Variants in CNTNAP2 observed in about 807,000 individuals in gnomAD.
The protein encoded by CNTNAP2 is contactin-associated protein-like 2.
In CNTNAP2, 98 loss-of-function variants were observed where a neutral mutation model predicts 155.2. That is an observed-to-expected ratio of 0.63 (90% CI 0.54 to 0.75). The LOEUF is 0.75. Among genes scored for constraint, CNTNAP2 ranks in the 30% least tolerant of loss-of-function variants. CNTNAP2 has a pLI of 0.00. For synonymous variants in CNTNAP2, 651 were observed against 631.2 expected, an observed-to-expected ratio of 1.03 and a Z score of -0.47; for missense variants, 1,727 against 1,688.1, an observed-to-expected ratio of 1.02 and a Z score of -0.40.
chr7:146,305,844 A>G (rs996055033), intron 1 of CNTNAP2, among the ~76,000 whole-genome samples: 1 of 152,160 alleles, frequency 6.6e-6, no homozygotes, highest in African/African-American at 2.4e-5. Context: ...GAACTAGAGA[A>G]GCAAGAGCAA....
chr7:147,906,351 A>G (rs1198937293), intron 14 of CNTNAP2, among the ~76,000 whole-genome samples: 2 of 151,930 alleles, frequency 1.3e-5, no homozygotes, highest in Non-Finnish European at 2.9e-5. Flanking sequence ...TTGTATTTTT[A>G]GTACAGACGG....
At chr7:147,019,322 T>C (rs1187294222) in intron 3 of CNTNAP2, among the ~76,000 whole-genome samples, 2 of 152,054 alleles carry the variant, frequency 1.3e-5, no homozygotes, top group Non-Finnish European at 2.9e-5. Flanking sequence ...GCTTTAACAC[T>C]CAATAAATGC....
intron 3 of CNTNAP2, among the ~76,000 whole-genome samples, chr7:146,993,625 T>A (rs1470674917): frequency 1.3e-5 from 2 of 152,130 alleles, no homozygotes; most frequent in Admixed American, 1.3e-4. Flanking sequence ...GAGAGCTCCC[T>A]CCTGCCCCGC....
intron 22 of CNTNAP2, among the ~76,000 whole-genome samples, chr7:148,392,004 G>C (rs1036710226): frequency 6.6e-6 from 1 of 152,184 alleles, no homozygotes; most frequent in Non-Finnish European, 1.5e-5. Context: ...CATTAAAATA[G>C]ATGAAGCATT....
intron 10 of CNTNAP2, among the ~76,000 whole-genome samples, chr7:147,450,571 T>C (rs975491215): frequency 5.9e-5 from 9 of 152,208 alleles, no homozygotes; most frequent in Non-Finnish European, 1.3e-4. Context: ...CAATTTGTTA[T>C]ACAGCAATAG....
In CNTNAP2 at chr7:147,485,992, C is replaced by T. The variant is rs1798502958; in HGVS notation, c.1728C>T (p.Phe576=). The T allele has an allele frequency of 1.2e-6, 2 of 1,614,100 alleles. No homozygotes were observed. The highest frequency in any genetic ancestry group is 8.5e-7 in the Non-Finnish European group (1 of 1,179,982). ...AGTGCTCGCAAACATGGGACAGCTT[C>T]AAATGCACTTGTGATGAGACAGGAT... ...GGKCSQTWDS[F]KCTCDETGYS... is the part of the protein sequence containing the mutation. Residue 576 remains phenylalanine (F), a synonymous_variant, in exon 11 of 24, where the codon TTC becomes TTT. Coordinates refer to ENST00000361727, the MANE Select transcript of CNTNAP2 (RefSeq NM_014141.6).
chr7:148,311,309 C>A (rs1797590873), intron 21 of CNTNAP2, among the ~76,000 whole-genome samples: 2 of 152,014 alleles, frequency 1.3e-5, no homozygotes, highest in Non-Finnish European at 2.9e-5. Flanking sequence ...GTGGGGACAA[C>A]TGTGTAGGCC....
chr7:148,070,612 G>A (rs1585109640), intron 15 of CNTNAP2, among the ~76,000 whole-genome samples: 1 of 152,162 alleles, frequency 6.6e-6, no homozygotes, highest in Non-Finnish European at 1.5e-5. Flanking sequence ...CAGCTACTTG[G>A]GAGGCTGAGG....
chr7:147,190,208 C>T (rs7795067), intron 8 of CNTNAP2, among the ~76,000 whole-genome samples: 80,709 of 151,872 alleles, frequency 0.53, 22,016 homozygotes, highest in South Asian at 0.7. Flanking sequence ...TTCACTGCAC[C>T]TCAGAAAAAC....
At position 146,817,707 on chromosome 7, in the gene CNTNAP2, T is replaced by TGCTA. The variant is rs796519216; in HGVS notation, c.209-22004_209-22003insGCTA. 2.0e-4 allele frequency among the ~76,000 whole-genome samples: 30 copies of TGCTA among 151,970 alleles called. No individual in the cohort carries two copies. The South Asian group carries it at 3.5e-3, about 18-fold the overall frequency. On this transcript the variant is annotated intron_variant, in intron 2 of 23. Transcript: ENST00000361727. ...TGCTACTCACTTTTAAACAACCAGA[T>TGCTA]CTCGTGAGAACTCCCTCATCATGAT...
At chr7:146,455,557 G>A (rs751800012) in intron 1 of CNTNAP2, among the ~76,000 whole-genome samples, 3 of 152,052 alleles carry the variant, frequency 2.0e-5, no homozygotes, top group South Asian at 2.1e-4. Flanking sequence ...TCCCTGTCTC[G>A]TTTCTTAATT....
chr7:147,841,875 G>C (rs1798738695), intron 13 of CNTNAP2, among the ~76,000 whole-genome samples: 1 of 151,990 alleles, frequency 6.6e-6, no homozygotes, highest in Non-Finnish European at 1.5e-5. Flanking sequence ...CTAATCCATA[G>C]AATAATGTGT....
intron 3 of CNTNAP2, among the ~76,000 whole-genome samples, chr7:146,924,291 A>C (rs1031151660): frequency 6.6e-6 from 1 of 152,058 alleles, no homozygotes; most frequent in African/African-American, 2.4e-5. Flanking sequence ...CCTGGTGTCT[A>C]GAGGTCTAAT....
At chr7:147,369,087 G>A (rs1796295412) in intron 9 of CNTNAP2, among the ~76,000 whole-genome samples, 1 of 152,176 alleles carries the variant, frequency 6.6e-6, no homozygotes, top group African/African-American at 2.4e-5. Flanking sequence ...AAAAGTATGG[G>A]AGACTTTGAA....
chr7:148,174,923 A>G (rs1171278045), intron 18 of CNTNAP2, among the ~76,000 whole-genome samples: 2 of 151,894 alleles, frequency 1.3e-5, no homozygotes, highest in Admixed American at 6.6e-5. Context: ...CAACCCCCCA[A>G]CAGACCCCTG....
chr7:148,206,774 C>T (rs1253055175), intron 18 of CNTNAP2, among the ~76,000 whole-genome samples: 1 of 152,196 alleles, frequency 6.6e-6, no homozygotes, highest in East Asian at 1.9e-4. Context: ...GCCTGTTTCC[C>T]AAACACCATG....
intron 8 of CNTNAP2, among the ~76,000 whole-genome samples, chr7:147,299,605 T>A (rs1161632077): frequency 1.3e-5 from 2 of 152,164 alleles, no homozygotes; most frequent in African/African-American, 4.8e-5. Context: ...ACCAAATGTG[T>A]TTATTGAGAG....
chr7:146,253,621 ATTTTT>A (rs1799790611), intron 1 of CNTNAP2, among the ~76,000 whole-genome samples: 1 of 152,208 alleles, frequency 6.6e-6, no homozygotes, highest in Non-Finnish European at 1.5e-5. Context: ...GTTGCTGTAC[ATTTTT>A]AATATTTAAC....
chr7:146,899,369 T>C (rs1795946802), intron 3 of CNTNAP2, among the ~76,000 whole-genome samples: 1 of 152,184 alleles, frequency 6.6e-6, no homozygotes, highest in African/African-American at 2.4e-5. Context: ...ATCGCATTCA[T>C]TCCTGTCCTC....
Sources: allele counts gnomAD v4.1 joint callset (sites outside exome capture counted in the v4.1 genomes callset), GRCh38; gene constraint gnomAD v4.1.1; transcripts MANE v1.5; gene names NCBI Gene and HGNC (gene_info 2026-07-23, HGNC 2026-07-21).